The following RASA1 variants were observed in gnomAD, a reference collection of about 807,000 sequenced individuals.
RASA1 encodes ras GTPase-activating protein 1.
RASA1 carries 25 observed loss-of-function variants against 132.2 expected under a neutral mutation model. The observed-to-expected ratio is 0.19, with a 90% CI of 0.14 to 0.26. The LOEUF (loss-of-function observed/expected upper bound fraction) is 0.26, where lower values mean the gene tolerates loss of function less well. Ranked by LOEUF, RASA1 falls within the 10% of genes least tolerant of loss-of-function variation. RASA1 has a pLI of 1.00. For missense variants in RASA1, 964 were observed against 1,299.2 expected (o/e 0.74, Z 3.97); for synonymous variants, 477 against 449.9 (o/e 1.06, Z -0.76).
At chr5:87,365,271 C>G (rs555750878) in intron 11 of RASA1, among the ~76,000 whole-genome samples, 1 of 152,084 alleles carries the variant, frequency 6.6e-6, no homozygotes, top group East Asian at 1.9e-4. Context: ...AATTATAACA[C>G]TCGAAATCAT....
chr5:87,372,782 T>A (rs1488915832), intron 13 of RASA1, among the ~76,000 whole-genome samples: 2 of 152,160 alleles, frequency 1.3e-5, no homozygotes, highest in Non-Finnish European at 2.9e-5. Context: ...GTTAGGCAAA[T>A]TTTGACATTC....
intron 2 of RASA1, among the ~76,000 whole-genome samples, chr5:87,332,222 G>A (rs1757658241): frequency 6.6e-6 from 1 of 151,620 alleles, no homozygotes; most frequent in African/African-American, 2.4e-5. Flanking sequence ...TGGAAAGTGA[G>A]AAGAGGTATC....
intron 1 of RASA1, among the ~76,000 whole-genome samples, chr5:87,285,753 G>T (rs1754529912): frequency 6.6e-6 from 1 of 151,136 alleles, no homozygotes; most frequent in African/African-American, 2.4e-5. Flanking sequence ...TGAGTAGCTG[G>T]GATCATAGGC....
At chr5:87,301,814 ATTC>A (rs1755378007) in intron 1 of RASA1, among the ~76,000 whole-genome samples, 1 of 152,030 alleles carries the variant, frequency 6.6e-6, no homozygotes, top group Admixed American at 6.5e-5. Context: ...TTTACTATCT[ATTC>A]TTTTGTGTGT....
At chr5:87,351,352 G>A (rs1759261861) in intron 8 of RASA1, among the ~76,000 whole-genome samples, 1 of 151,726 alleles carries the variant, frequency 6.6e-6, no homozygotes, top group East Asian at 1.9e-4. Flanking sequence ...AGTATGGTAT[G>A]CAGAATGTGA....
Position 87,382,929 on chromosome 5 carries a change from T to TAA in RASA1, c.2691-770_2691-769dup, listed in dbSNP as rs200006864. 7.9e-3 allele frequency among the ~76,000 whole-genome samples: 1,097 copies of TAA among 138,872 alleles called. 17 individuals are homozygous for TAA. The highest frequency in any genetic ancestry group is 0.028 in the African/African-American group (1,053 of 38,116). The allele number at this position is 138,872 out of a possible 152,430, so 91.1% of individuals were successfully genotyped here. A position where few individuals can be genotyped will look rare whatever the true frequency, so the allele number is the denominator to read the frequency against. ...AGACTCTGCTTTCTACAAAAATAAT[T>TAA]AAAAAAAAAAAAAAATTGCCAGGTA... is the stretch of plus-strand genomic sequence containing the variant. On this transcript the variant is annotated intron_variant, in intron 20 of 24. Coordinates refer to ENST00000274376, the MANE Select transcript of RASA1 (RefSeq NM_002890.3).
intron 1 of RASA1, among the ~76,000 whole-genome samples, chr5:87,299,367 A>G (rs1378472908): frequency 2.6e-5 from 4 of 152,184 alleles, no homozygotes; most frequent in Non-Finnish European, 5.9e-5. Flanking sequence ...TTAGTGAATC[A>G]CTATATTGGA....
chr5:87,360,757 G>GA (rs760676825), intron 9 of RASA1, among the ~76,000 whole-genome samples: 1 of 152,132 alleles, frequency 6.6e-6, no homozygotes, highest in Admixed American at 6.6e-5. Context: ...ATCATCATCT[G>GA]AAAAATCACA....
chr5:87,310,962 A>G (rs1755874617), intron 1 of RASA1, among the ~76,000 whole-genome samples: 1 of 152,192 alleles, frequency 6.6e-6, no homozygotes, highest in African/African-American at 2.4e-5. Flanking sequence ...CCAGTTAAGA[A>G]TGTCTTTGAT....
intron 8 of RASA1, among the ~76,000 whole-genome samples, chr5:87,351,369 CAG>C: frequency 6.6e-6 from 1 of 151,688 alleles, no homozygotes; most frequent in East Asian, 1.9e-4. Context: ...GTGATAAATT[CAG>C]GGGATATATA....
chr5:87,374,109 G>C (rs1761143741), intron 13 of RASA1, 54 bp from the exon 14 acceptor site: 2 of 1,261,530 alleles, frequency 1.6e-6, no homozygotes, highest in Admixed American at 3.6e-5. Flanking sequence ...TTGAAATGTA[G>C]TGCAATTCTA....
intron 1 of RASA1, among the ~76,000 whole-genome samples, chr5:87,329,631 A>G (rs745766185): frequency 9.9e-5 from 15 of 152,186 alleles, no homozygotes; most frequent in Non-Finnish European, 2.2e-4. Flanking sequence ...GACACTACCT[A>G]AGACATAACA....
Position 87,358,729 on chromosome 5 carries a change from CATTA to C in RASA1, c.1333-3818_1333-3815del, listed in dbSNP as rs1759844252. Among the ~76,000 whole-genome samples, 4 of 152,292 alleles carry C rather than the reference CATTA, an allele frequency of 2.6e-5. No homozygotes were observed. The South Asian group carries it at 8.3e-4, about 32-fold the overall frequency. On this transcript the variant is annotated intron_variant, in intron 9 of 24. Coordinates refer to ENST00000274376, the MANE Select transcript of RASA1 (RefSeq NM_002890.3). ...CATACAAGACCCAACAGTGGCAGTC[CATTA>C]ATTTTCTGAACTCGTCTCTTCCTAC...
chr5:87,310,408 A>G (rs1755824086), intron 1 of RASA1, among the ~76,000 whole-genome samples: 1 of 152,204 alleles, frequency 6.6e-6, no homozygotes, highest in South Asian at 2.1e-4. Flanking sequence ...TGAGAGTTGA[A>G]TTAAGAAATT....
chr5:87,284,436 AATT>A (rs1754454784), intron 1 of RASA1, among the ~76,000 whole-genome samples: 1 of 152,146 alleles, frequency 6.6e-6, no homozygotes, highest in East Asian at 1.9e-4. Flanking sequence ...ATTTAGAAGA[AATT>A]ATTATTAATC....
At chr5:87,388,875 T>C (rs1762254475) in intron 23 of RASA1, among the ~76,000 whole-genome samples, 1 of 152,130 alleles carries the variant, frequency 6.6e-6, no homozygotes, top group South Asian at 2.1e-4. Context: ...CTATTTGGCA[T>C]ATGTTCTAGA....
intron 5 of RASA1, 142 bp from the exon 6 acceptor site, chr5:87,341,148 A>T: frequency 2.2e-6 from 1 of 460,402 alleles, no homozygotes; most frequent in Non-Finnish European, 3.5e-6. Flanking sequence ...AAAGATATTT[A>T]CTGAACAGAA....
chr5:87,289,943 CT>C (rs991489575), intron 1 of RASA1, among the ~76,000 whole-genome samples: 6 of 152,068 alleles, frequency 3.9e-5, no homozygotes, highest in Admixed American at 3.9e-4. Context: ...ATAAATTGTC[CT>C]TGTGGTTTCT....
At chr5:87,310,209 T>G (rs1269464119) in intron 1 of RASA1, among the ~76,000 whole-genome samples, 1 of 152,140 alleles carries the variant, frequency 6.6e-6, no homozygotes, top group African/African-American at 2.4e-5. Flanking sequence ...TGAAATTGTG[T>G]TAAAGATGAG....
Sources: gnomAD v4.1 joint callset for allele counts (sites outside exome capture counted in the v4.1 genomes callset) on GRCh38, gnomAD v4.1.1 for gene constraint, MANE v1.5 for transcripts, NCBI Gene and HGNC (gene_info 2026-07-23, HGNC 2026-07-21) for gene names.